Variants in KPNA5 observed in about 807,000 individuals in gnomAD.
KPNA5 encodes the protein importin subunit alpha-6.
Under a neutral mutation model 71.3 loss-of-function variants are expected in KPNA5, and 46 were observed. That is an observed-to-expected ratio of 0.65 (90% confidence interval 0.51 to 0.83). The LOEUF (loss-of-function observed/expected upper bound fraction) is 0.83. Ranked by LOEUF, KPNA5 falls within the 40% of genes least tolerant of loss-of-function variation. The pLI is 0.00. For synonymous variants in KPNA5, 207 were observed against 201.4 expected, an observed-to-expected ratio of 1.03 and a Z score of -0.24; for missense variants, 547 against 628.3, an observed-to-expected ratio of 0.87 and a Z score of 1.38.
chr6:116,692,968 G>A (rs1402746327), intron 4 of KPNA5, among the ~76,000 whole-genome samples: 1 of 152,086 alleles, frequency 6.6e-6, no homozygotes, highest in Non-Finnish European at 1.5e-5. Flanking sequence ...TCCCACCTAT[G>A]AGTGAGAACA....
intron 7 of KPNA5, among the ~76,000 whole-genome samples, chr6:116,709,410 C>T (rs1778567462): frequency 6.6e-6 from 1 of 152,266 alleles, no homozygotes; most frequent in Non-Finnish European, 1.5e-5. Context: ...ATTGGCCAGG[C>T]TGGTCTTGAA....
chr6:116,714,105 T>A (rs1367936555), intron 7 of KPNA5, among the ~76,000 whole-genome samples: 3 of 152,216 alleles, frequency 2.0e-5, no homozygotes, highest in Admixed American at 2.0e-4. Context: ...TAAAATTTCT[T>A]TGCATGCCTC....
rs778202771 is a variant in KPNA5 at position 116,716,275 on chromosome 6, C to G, written c.713C>G (p.Ser238Ter). ...ACAAGAAATGCCGTGTGGGCCCTCT[C>G]AAATTTATGTAGAGGCAAAAACCCT... ...TTTRNAVWAL[S>*]NLCRGKNPPP... The change falls in exon 8 of 14, where the codon TCA becomes TGA. Residue 238 changes from serine to a stop codon, truncating the protein, a stop_gained. Coordinates refer to ENST00000368564, the MANE Select transcript of KPNA5 (RefSeq NM_001366306.2). LOFTEE classifies it high-confidence loss of function. The G allele has an allele frequency of 1.2e-6, 2 of 1,613,476 alleles. No individual in the cohort carries two copies. Among genetic ancestry groups the G allele is most frequent in the Non-Finnish European group, 1.7e-6 (2 of 1,179,744 alleles).
At chr6:116,692,754 CTTTAAG>C (rs961434581) in intron 4 of KPNA5, among the ~76,000 whole-genome samples, 1 of 151,284 alleles carries the variant, frequency 6.6e-6, no homozygotes, top group Non-Finnish European at 1.5e-5. Context: ...TTTTGTTATA[CTTTAAG>C]TTTTAGGGTA....
chr6:116,696,289 A>C (rs1468500919), intron 4 of KPNA5, among the ~76,000 whole-genome samples: 1 of 152,190 alleles, frequency 6.6e-6, no homozygotes, highest in Non-Finnish European at 1.5e-5. Flanking sequence ...TTCCTGCCAC[A>C]TCTATCAGGC....
In KPNA5 at chr6:116,732,494, T is replaced by C; in HGVS notation, c.*171T>C. The C allele has an allele frequency of 3.1e-6, 1 of 323,394 alleles. No homozygotes were observed. 20.0% of individuals were successfully genotyped at this position (323,394 alleles called of 1,614,324 possible). On this transcript the variant is annotated 3_prime_UTR_variant, in exon 14 of 14. Transcript: ENST00000368564. Reference sequence around the variant, plus strand: ...TCCATTCAGATGCAACCTTTCATTGTAGTTTGTTGTTGTTTTAGTTTTGTT... The same window carrying C: ...TCCATTCAGATGCAACCTTTCATTGCAGTTTGTTGTTGTTTTAGTTTTGTT...
chr6:116,684,639 T>TA (rs1252391014), intron 1 of KPNA5, among the ~76,000 whole-genome samples: 1 of 152,206 alleles, frequency 6.6e-6, no homozygotes, highest in Non-Finnish European at 1.5e-5. Context: ...CTTTTTCTGC[T>TA]AAAATATGAT....
chr6:116,726,887 A>G (rs895070990), intron 12 of KPNA5, among the ~76,000 whole-genome samples: 1 of 152,072 alleles, frequency 6.6e-6, no homozygotes, highest in African/African-American at 2.4e-5. Flanking sequence ...GTTAATTTGC[A>G]GAGTACACTG....
At chr6:116,694,992 C>G (rs1294899393) in intron 4 of KPNA5, among the ~76,000 whole-genome samples, 1 of 152,032 alleles carries the variant, frequency 6.6e-6, no homozygotes, top group Non-Finnish European at 1.5e-5. Context: ...CTCCCGTCAC[C>G]CAGACTGGAG....
chr6:116,739,488 C>CA lies in KPNA5; in HGVS notation c.*7171dup, dbSNP rs1215297800. ...ACCAATGCCTTTCTTCACAGAATTGCAAAAAACTACTTTAAAGTTCATATG... is the reference window on the plus strand; with the variant it reads ...ACCAATGCCTTTCTTCACAGAATTGCAAAAAAACTACTTTAAAGTTCATATG... On this transcript the variant is annotated 3_prime_UTR_variant, in exon 14 of 14. Transcript: ENST00000368564. 1.3e-5 allele frequency: 2 copies of CA among 151,932 alleles called. No homozygotes were observed. The highest frequency in any genetic ancestry group is 4.2e-4 in the South Asian group (2 of 4,812). The allele number at this position is 151,932 out of a possible 1,614,324, so 9.4% of individuals were successfully genotyped here.
intron 5 of KPNA5, among the ~76,000 whole-genome samples, chr6:116,701,134 A>T (rs1057024524): frequency 6.6e-6 from 1 of 152,220 alleles, no homozygotes; most frequent in African/African-American, 2.4e-5. Flanking sequence ...ACGTAAAAGT[A>T]ACTGTACTTT....
intron 4 of KPNA5, among the ~76,000 whole-genome samples, chr6:116,693,738 T>C (rs567279253): frequency 1.5e-3 from 231 of 152,192 alleles, no homozygotes; most frequent in African/African-American, 5.0e-3. Context: ...CTCTTTAGTT[T>C]AATTAGATCC....
At chr6:116,707,036 C>T (rs1041814678) in intron 7 of KPNA5, among the ~76,000 whole-genome samples, 4 of 150,750 alleles carry the variant, frequency 2.7e-5, no homozygotes, top group Admixed American at 2.0e-4. Flanking sequence ...TGGTGGCAGG[C>T]GCCTGTAGTC....
intron 2 of KPNA5, among the ~76,000 whole-genome samples, chr6:116,691,223 G>A (rs924091075): frequency 5.3e-5 from 8 of 152,150 alleles, no homozygotes; most frequent in African/African-American, 1.9e-4. Context: ...GCGAGACTCC[G>A]TCTCAAAAAA....
chr6:116,710,900 T>TATATATATATATACA (rs57886109), intron 7 of KPNA5, among the ~76,000 whole-genome samples: 1 of 107,820 alleles, frequency 9.3e-6, no homozygotes, highest in Non-Finnish European at 1.8e-5. Context: ...TATATTTTTT[T>TATATATATATATACA]TTTTTTTTTT....
In KPNA5 at chr6:116,734,000, C is replaced by T. The variant is rs1260869779; in HGVS notation, c.*1677C>T. 2.0e-5 allele frequency: 3 copies of T among 151,580 alleles called. No individual in the cohort carries two copies. The highest frequency in any genetic ancestry group is 7.3e-5 in the African/African-American group (3 of 41,358). 9.4% of individuals were successfully genotyped at this position (151,580 alleles called of 1,614,324 possible). The stretch of plus-strand genomic sequence containing the variant: ...GTGTTCGTAATGCTGAGTGCATCTG[C>T]CAGCCCTTTTTTATTATTAAGTAGA... On this transcript the variant is annotated 3_prime_UTR_variant, in exon 14 of 14. Coordinates refer to ENST00000368564, the MANE Select transcript of KPNA5 (RefSeq NM_001366306.2).
At chr6:116,714,216 T>C (rs1778806441) in intron 7 of KPNA5, among the ~76,000 whole-genome samples, 1 of 152,324 alleles carries the variant, frequency 6.6e-6, no homozygotes, top group Middle Eastern at 3.4e-3. Context: ...CTGCTTGTTG[T>C]AGTTATTTAT....
chr6:116,692,566 T>C (rs1171508482), intron 4 of KPNA5, among the ~76,000 whole-genome samples, 174 bp downstream of exon 4: 1 of 152,116 alleles, frequency 6.6e-6, no homozygotes, highest in East Asian at 1.9e-4. Flanking sequence ...GTTACCAAAG[T>C]AACATATGTT....
rs1049436760 is a variant in KPNA5 at position 116,698,719 on chromosome 6, T to C, written c.356T>C (p.Ile119Thr). The C allele has an allele frequency of 6.3e-7, 1 of 1,584,170 alleles. No homozygotes were observed. Among genetic ancestry groups the C allele is most frequent in the Non-Finnish European group, 8.6e-7 (1 of 1,165,264 alleles). The change falls in exon 5 of 14, where the codon ATA (isoleucine) becomes ACA (threonine). Residue 119 changes from isoleucine to threonine, a missense_variant. Coordinates refer to ENST00000368564, the MANE Select transcript of KPNA5 (RefSeq NM_001366306.2). Reference protein sequence around the residue: ...KLLSKEPNPPIDQVIQKPGVV... With the variant: ...KLLSKEPNPPTDQVIQKPGVV... ...AAATTTTTAGAACCTAATCCACCAA[T>C]AGATCAAGTTATACAGAAACCAGGA...
Sources: gnomAD v4.1 joint callset for allele counts (sites outside exome capture counted in the v4.1 genomes callset) on GRCh38, gnomAD v4.1.1 for gene constraint, MANE v1.5 for transcripts, NCBI Gene and HGNC (gene_info 2026-07-23, HGNC 2026-07-21) for gene names.